KATNAL2: variants seen among roughly 807,000 people sequenced by gnomAD.
KATNAL2 encodes katanin p60 ATPase-containing subunit A-like 2.
In KATNAL2, 52 loss-of-function variants were observed where a neutral mutation model predicts 76.3. The ratio of observed to expected loss-of-function variants is 0.68; its 90% confidence interval spans 0.55 to 0.86. KATNAL2 has a LOEUF of 0.86. Ranked by LOEUF, KATNAL2 falls within the 40% of genes least tolerant of loss-of-function variation. The pLI is 0.00. For missense variants in KATNAL2, 660 were observed against 668.9 expected (o/e 0.99, Z 0.15); for synonymous variants, 243 against 244.2 (o/e 1.00, Z 0.05).
chr18:46,961,857 A>C (rs561125206), intron 3 of KATNAL2, among the ~76,000 whole-genome samples: 1 of 152,286 alleles, frequency 6.6e-6, no homozygotes, highest in African/African-American at 2.4e-5. Context: ...GTCAGTGATT[A>C]TTTTTAGGAG....
chr18:47,077,531 T>C (rs111518609), intron 15 of KATNAL2, 70 bp downstream of exon 15: 16 of 1,076,208 alleles, frequency 1.5e-5, no homozygotes, highest in African/African-American at 1.4e-4. Context: ...AAATTTTATA[T>C]TGACCACTTC....
Position 46,920,029 on chromosome 18 carries a change from A to G in KATNAL2, c.-510+2103A>G, listed in dbSNP as rs548424533. On this transcript the variant is annotated intron_variant, in intron 1 of 17. Coordinates refer to ENST00000683218, the MANE Select transcript of KATNAL2 (RefSeq NM_001387690.1). ...CCAACATAAACACAAAACAGTAAGA[A>G]AAGAAAAGCAAAGCCCCACTGAAAC... is the stretch of plus-strand genomic sequence containing the variant. The G allele has an allele frequency of 1.9e-5, 24 of 1,284,722 alleles. No homozygotes were observed. The East Asian group carries it at 1.3e-3, about 71-fold the overall frequency. 79.6% of individuals were successfully genotyped at this position (1,284,722 alleles called of 1,614,324 possible).
At chr18:47,056,911 C>G (rs1336649724) in intron 6 of KATNAL2, among the ~76,000 whole-genome samples, 2 of 151,972 alleles carry the variant, frequency 1.3e-5, no homozygotes, top group East Asian at 1.9e-4. Flanking sequence ...TTGTAAAATG[C>G]TTGGTTTTCA....
intron 3 of KATNAL2, among the ~76,000 whole-genome samples, chr18:47,041,231 T>G (rs72921335): frequency 0.041 from 6,222 of 152,238 alleles, 171 homozygotes; most frequent in Non-Finnish European, 0.064. Flanking sequence ...CCATTTTACA[T>G]GAGGGTTCAT....
At chr18:46,940,166 G>A (rs1405685820) in intron 1 of KATNAL2, among the ~76,000 whole-genome samples, 1 of 152,216 alleles carries the variant, frequency 6.6e-6, no homozygotes, top group Non-Finnish European at 1.5e-5. Flanking sequence ...GCCCTGGCCT[G>A]TATGACTCCA....
chr18:46,923,111 C>T lies in KATNAL2; in HGVS notation c.-510+5185C>T, dbSNP rs866404256. ...TAAGTTTTAGGGTACATGTGCACAA[C>T]GTGCAGGTTTGTTACATATGTATAC... On this transcript the variant is annotated intron_variant, in intron 1 of 17. Transcript: ENST00000683218. Among the ~76,000 whole-genome samples, 769 of 139,498 alleles carry T rather than the reference C, an allele frequency of 5.5e-3. 2 individuals carry two copies. The highest frequency in any genetic ancestry group is 0.014 in the African/African-American group (521 of 37,930). The allele number at this position is 139,498 out of a possible 152,430, so 91.5% of individuals were successfully genotyped here.
At position 46,951,922 on chromosome 18, in the gene KATNAL2, C is replaced by T. The variant is rs868159920; in HGVS notation, c.51+4999C>T. 9.9e-5 allele frequency among the ~76,000 whole-genome samples: 15 copies of T among 152,118 alleles called. No homozygotes were observed. In the East Asian group the frequency reaches 2.5e-3, roughly 25 times the overall value. ...CCAAGTAGTTAGGATTACAGGGGTGCGCCACCATGCCCGGCTAACTTTCTA... is the reference window on the plus strand; with the variant it reads ...CCAAGTAGTTAGGATTACAGGGGTGTGCCACCATGCCCGGCTAACTTTCTA... On this transcript the variant is annotated intron_variant, in intron 3 of 17. Coordinates refer to ENST00000683218, the MANE Select transcript of KATNAL2 (RefSeq NM_001387690.1).
chr18:47,069,675 T>C, intron 13 of KATNAL2, 75 bp downstream of exon 13: 1 of 992,190 alleles, frequency 1.0e-6, no homozygotes. Context: ...TCAGAGCTTC[T>C]TTGCTTTTAG....
intron 3 of KATNAL2, among the ~76,000 whole-genome samples, chr18:46,959,019 A>G (rs1454852914): frequency 6.6e-6 from 1 of 152,252 alleles, no homozygotes; most frequent in Non-Finnish European, 1.5e-5. Flanking sequence ...AGTTTTTAAA[A>G]TGAGTGTTGT....
chr18:46,960,840 T>A (rs547717945), intron 3 of KATNAL2, among the ~76,000 whole-genome samples: 1 of 152,154 alleles, frequency 6.6e-6, no homozygotes, highest in African/African-American at 2.4e-5. Context: ...AACTAAACTG[T>A]AGAGGGACGA....
At position 47,053,882 on chromosome 18, in the gene KATNAL2, C is replaced by G. The variant is rs145934672; in HGVS notation, c.290-514C>G. 3.6e-4 allele frequency among the ~76,000 whole-genome samples: 55 copies of G among 152,346 alleles called. 1 individual carries two copies. The highest frequency in any genetic ancestry group is 1.3e-3 in the African/African-American group (54 of 41,580). On this transcript the variant is annotated intron_variant, in intron 5 of 17. Coordinates refer to ENST00000683218, the MANE Select transcript of KATNAL2 (RefSeq NM_001387690.1). ...AAGAGACAGCCCAGACTCCTAAACA[C>G]AGGGTGATCAGCACTGTTAGTGACA... is the stretch of plus-strand genomic sequence containing the variant.
At chr18:46,951,559 T>C (rs1390452251) in intron 3 of KATNAL2, among the ~76,000 whole-genome samples, 1 of 151,996 alleles carries the variant, frequency 6.6e-6, no homozygotes, top group African/African-American at 2.4e-5. Context: ...GAAATCCTGC[T>C]TCCTGGGCTC....
intron 17 of KATNAL2, 107 bp from the exon 18 acceptor site, chr18:47,100,759 G>A (rs2063422915): frequency 1.5e-6 from 2 of 1,332,776 alleles, no homozygotes; most frequent in Admixed American, 2.0e-5. Context: ...TAACAATTAA[G>A]AATGCTGCAT....
rs536870754 is a variant in KATNAL2 at position 47,052,893 on chromosome 18, G to A, written c.136G>A (p.Ala46Thr). ...TGAAACTGCCAGGTATATCGATACA[G>A]CAAATGCTTTGGAGCAAGAAACTAA... ...YLTQEGYIDT[A>T]NALEQETKLG... Residue 46 changes from alanine (A) to threonine (T), a missense_variant, in exon 5 of 18, where the codon GCA (alanine) becomes ACA (threonine). By Grantham distance (58) the Ala-to-Thr change is moderately conservative (BLOSUM62 0). Coordinates refer to ENST00000683218, the MANE Select transcript of KATNAL2 (RefSeq NM_001387690.1). 30 of 1,605,692 alleles carry A rather than the reference G, an allele frequency of 1.9e-5. No homozygotes were observed. Among genetic ancestry groups the A allele is most frequent in the Non-Finnish European group, 2.3e-5 (27 of 1,177,514 alleles).
chr18:47,043,245 A>AAAAAAAAAAAAAAAAAATAAAT (rs376877321), intron 3 of KATNAL2, among the ~76,000 whole-genome samples: 5 of 93,176 alleles, frequency 5.4e-5, no homozygotes, highest in Non-Finnish European at 8.4e-5. Flanking sequence ...AAAAAAAAAA[A>AAAAAAAAAAAAAAAAAATAAAT]GAGATCCTAA....
At chr18:46,950,313 C>T (rs2059512477) in intron 3 of KATNAL2, among the ~76,000 whole-genome samples, 1 of 152,018 alleles carries the variant, frequency 6.6e-6, no homozygotes, top group African/African-American at 2.4e-5. Context: ...GGTCTATGTG[C>T]AAGGAATTGT....
chr18:47,053,151 G>A, intron 5 of KATNAL2, 105 bp downstream of exon 5: 2 of 931,414 alleles, frequency 2.1e-6, no homozygotes, highest in Non-Finnish European at 3.2e-6. Flanking sequence ...CTGCACCAAA[G>A]GAGTAGGCCA....
intron 3 of KATNAL2, among the ~76,000 whole-genome samples, chr18:46,954,477 T>C (rs2059664544): frequency 6.6e-6 from 1 of 151,408 alleles, no homozygotes; most frequent in Non-Finnish European, 1.5e-5. Flanking sequence ...ACTACAGGTG[T>C]GTGCCACCAT....
chr18:47,041,079 AT>A (rs1298303955), intron 3 of KATNAL2, among the ~76,000 whole-genome samples: 1 of 152,202 alleles, frequency 6.6e-6, no homozygotes, highest in Non-Finnish European at 1.5e-5. Context: ...GCAGTTTTAG[AT>A]TCACAGCCAA....
Sources: gnomAD v4.1 joint callset for allele counts (sites outside exome capture counted in the v4.1 genomes callset) on GRCh38, gnomAD v4.1.1 for gene constraint, MANE v1.5 for transcripts, NCBI Gene and HGNC (gene_info 2026-07-23, HGNC 2026-07-21) for gene names.